Variants in LRP1B observed in about 807,000 individuals in gnomAD.
The protein encoded by LRP1B is low-density lipoprotein receptor-related protein 1B.
A neutral mutation model predicts 556.6 loss-of-function variants in LRP1B; 217 were observed. That is an observed-to-expected ratio of 0.39 (90% CI 0.35 to 0.44). LRP1B has a LOEUF of 0.44. LRP1B is among the 20% of genes least tolerant of loss of function. The probability of loss-of-function intolerance (pLI) is 1.00; values close to 1 mark genes in which losing one functional copy is unlikely to be tolerated. For missense variants in LRP1B, 5,053 were observed against 5,620.8 expected, an observed-to-expected ratio of 0.90 and a Z score of 3.23; for synonymous variants, 2,047 against 1,865.8, an observed-to-expected ratio of 1.10 and a Z score of -2.50.
At chr2:141,078,331 T>C (rs533281903) in intron 7 of LRP1B, among the ~76,000 whole-genome samples, 2 of 152,282 alleles carry the variant, frequency 1.3e-5, no homozygotes, top group African/African-American at 4.8e-5. Flanking sequence ...AAAAAAGCCC[T>C]TCTTTCTCCC....
At chr2:141,239,589 G>A (rs1243767670) in intron 5 of LRP1B, among the ~76,000 whole-genome samples, 2 of 152,098 alleles carry the variant, frequency 1.3e-5, no homozygotes, top group Admixed American at 6.6e-5. Context: ...GATAGGATCT[G>A]TATATATTTG....
chr2:141,891,762 C>T (rs1375838334), intron 1 of LRP1B, among the ~76,000 whole-genome samples: 1 of 152,176 alleles, frequency 6.6e-6, no homozygotes, highest in East Asian at 1.9e-4. Flanking sequence ...CTTAGATATA[C>T]ATCTGCTATT....
intron 41 of LRP1B, among the ~76,000 whole-genome samples, chr2:140,642,463 T>G (rs191857499): frequency 3.3e-5 from 5 of 152,294 alleles, no homozygotes; most frequent in Admixed American, 6.5e-5. Flanking sequence ...ATATGGGTTA[T>G]GATAATGTGG....
At chr2:140,935,594 G>A (rs1439884215) in intron 20 of LRP1B, among the ~76,000 whole-genome samples, 1 of 151,736 alleles carries the variant, frequency 6.6e-6, no homozygotes, top group Non-Finnish European at 1.5e-5. Flanking sequence ...GAGGAGGAAG[G>A]GAGCGAGAAT....
At chr2:140,842,021 G>C (rs1047701468) in intron 29 of LRP1B, among the ~76,000 whole-genome samples, 5 of 152,254 alleles carry the variant, frequency 3.3e-5, no homozygotes, top group Middle Eastern at 3.4e-3. Flanking sequence ...AAACTTACAA[G>C]ACACCTGGAA....
intron 1 of LRP1B, among the ~76,000 whole-genome samples, chr2:141,947,491 C>T (rs1422909098): frequency 6.6e-6 from 1 of 151,338 alleles, no homozygotes; most frequent in Non-Finnish European, 1.5e-5. Flanking sequence ...TGAACTGTGC[C>T]CAAAACACCA....
chr2:140,286,119 A>G (rs2104976372), intron 84 of LRP1B, among the ~76,000 whole-genome samples: 1 of 152,086 alleles, frequency 6.6e-6, no homozygotes, highest in African/African-American at 2.4e-5. Context: ...GCTGGCACAC[A>G]GTAGATGCTC....
At chr2:141,199,136 T>G (rs1187167399) in intron 6 of LRP1B, among the ~76,000 whole-genome samples, 1 of 152,148 alleles carries the variant, frequency 6.6e-6, no homozygotes, top group African/African-American at 2.4e-5. Flanking sequence ...TCTGTTTCAG[T>G]AGATTGCAGT....
At position 142,031,425 on chromosome 2, in the gene LRP1B, C is replaced by T. The variant is rs903222301; in HGVS notation, c.82+99223G>A. On this transcript the variant is annotated intron_variant, in intron 1 of 90. Transcript: ENST00000389484. ...TATGTATACATGTGCCATGCTGGTGCGCTGCACCCACTAATGTGTCATCTA... is the reference window on the plus strand; with the variant it reads ...TATGTATACATGTGCCATGCTGGTGTGCTGCACCCACTAATGTGTCATCTA... Among the ~76,000 whole-genome samples, 11 of 123,844 alleles carry T rather than the reference C, an allele frequency of 8.9e-5. 3 individuals are homozygous for T. Among genetic ancestry groups the T allele is most frequent in the Admixed American group, 2.6e-4 (3 of 11,476 alleles). The allele number at this position is 123,844 out of a possible 152,430, so 81.2% of individuals were successfully genotyped here. A position where few individuals can be genotyped will look rare whatever the true frequency, so the allele number is the denominator to read the frequency against.
In LRP1B at chr2:141,339,372, C is replaced by A. The variant is rs1323334117; in HGVS notation, c.344-84731G>T. 2.0e-5 allele frequency among the ~76,000 whole-genome samples: 3 copies of A among 151,798 alleles called. No homozygotes were observed. In the East Asian group the frequency reaches 5.8e-4, roughly 30 times the overall value. On this transcript the variant is annotated intron_variant, in intron 3 of 90. Transcript: ENST00000389484. ...TAATGAACTTTCTAAAGTCAATACT[C>A]TGGACCTTTGATGGAATAGAGATTA...
intron 2 of LRP1B, among the ~76,000 whole-genome samples, chr2:141,566,068 C>T (rs1204089768): frequency 6.6e-6 from 1 of 151,852 alleles, no homozygotes; most frequent in East Asian, 1.9e-4. Flanking sequence ...TGCAAATCAC[C>T]TTCCACTAAT....
At chr2:141,210,456 A>C (rs1181419332) in intron 6 of LRP1B, among the ~76,000 whole-genome samples, 1 of 152,118 alleles carries the variant, frequency 6.6e-6, no homozygotes, top group Non-Finnish European at 1.5e-5. Flanking sequence ...TTCTTCCATA[A>C]AGACAAAATC....
intron 43 of LRP1B, among the ~76,000 whole-genome samples, chr2:140,571,889 T>G (rs545636337): frequency 6.6e-6 from 1 of 151,860 alleles, no homozygotes; most frequent in African/African-American, 2.4e-5. Context: ...TTGAAGAATA[T>G]TGATTGGGGA....
chr2:141,605,850 CAT>C (rs1687899587), intron 2 of LRP1B, among the ~76,000 whole-genome samples: 1 of 152,098 alleles, frequency 6.6e-6, no homozygotes, highest in African/African-American at 2.4e-5. Flanking sequence ...TTGTCTGTTA[CAT>C]ATGTTTTTCT....
At chr2:141,084,459 A>G (rs1699998398) in intron 7 of LRP1B, among the ~76,000 whole-genome samples, 1 of 152,186 alleles carries the variant, frequency 6.6e-6, no homozygotes, top group Admixed American at 6.5e-5. Context: ...TAAGTAATAA[A>G]CCATAGAGAA....
At chr2:140,245,759 G>C (rs573286508) in intron 87 of LRP1B, among the ~76,000 whole-genome samples, 2 of 151,320 alleles carry the variant, frequency 1.3e-5, no homozygotes, top group East Asian at 3.9e-4. Context: ...ATCAAATTAG[G>C]CAAGACACAT....
intron 5 of LRP1B, among the ~76,000 whole-genome samples, chr2:141,237,741 A>C (rs527326329): frequency 6.6e-6 from 1 of 152,136 alleles, no homozygotes. Flanking sequence ...GACAAAAGAC[A>C]ATAACATCAT....
At chr2:140,813,594 G>A (rs1174905059) in intron 32 of LRP1B, 63 bp downstream of exon 32, 2 of 1,462,720 alleles carry the variant, frequency 1.4e-6, no homozygotes, top group Admixed American at 3.5e-5. Context: ...GCTTTTAACA[G>A]GTCATAATAA....
intron 35 of LRP1B, among the ~76,000 whole-genome samples, chr2:140,729,287 C>G (rs1326733921): frequency 6.6e-6 from 1 of 151,968 alleles, no homozygotes; most frequent in African/African-American, 2.4e-5. Context: ...CAGAGGCAAC[C>G]CATATTTTTA....
Sources: gnomAD v4.1 joint callset for allele counts (sites outside exome capture counted in the v4.1 genomes callset) on GRCh38, gnomAD v4.1.1 for gene constraint, MANE v1.5 for transcripts, NCBI Gene and HGNC (gene_info 2026-07-23, HGNC 2026-07-21) for gene names.